The following CHLSN variants were observed in gnomAD, a reference collection of about 807,000 sequenced individuals.
CHLSN encodes protein cholesin.
chr7:983,235 C>T, the CHLSN span: 3 of 1,527,592 alleles, frequency 2.0e-6, no homozygotes, highest in Non-Finnish European at 2.6e-6. Flanking sequence ...TCTTGCTGTT[C>T]CTGGGCCTCC....
chr7:1,011,241 T>C, the CHLSN span, among the ~76,000 whole-genome samples: 59,298 of 118,656 alleles, frequency 0.5, 13,222 homozygotes, highest in Admixed American at 0.56. Context: ...GACACCCACA[T>C]ACCCACCCAC....
chr7:1,103,611 C>G, the CHLSN span, among the ~76,000 whole-genome samples: 2 of 152,232 alleles, frequency 1.3e-5, no homozygotes, highest in Non-Finnish European at 2.9e-5. Flanking sequence ...GAAATTCAGA[C>G]CACGCTTTCA....
chr7:1,085,645 C>A, the CHLSN span, among the ~76,000 whole-genome samples: 1 of 147,436 alleles, frequency 6.8e-6, no homozygotes, highest in Non-Finnish European at 1.5e-5. Context: ...CCAGCCTTGG[C>A]AATACAGTGA....
chr7:1,108,334 GA>G, the CHLSN span, among the ~76,000 whole-genome samples: 1 of 95,158 alleles, frequency 1.1e-5, no homozygotes, highest in Non-Finnish European at 2.2e-5. Context: ...GCCCCGGGAG[GA>G]AGCAGAGGGG....
chr7:1,103,342 G>A, the CHLSN span, among the ~76,000 whole-genome samples: 8 of 152,114 alleles, frequency 5.3e-5, no homozygotes, highest in South Asian at 2.1e-4. Flanking sequence ...AAAAACCCTC[G>A]CGCAGGGAGG....
chr7:1,063,897 A>G, the CHLSN span, among the ~76,000 whole-genome samples: 1 of 152,052 alleles, frequency 6.6e-6, no homozygotes, highest in Non-Finnish European at 1.5e-5. Context: ...GGCGAGCTCT[A>G]CCACACCACA....
At chr7:1,057,982 T>C in the CHLSN span, 1 of 770,818 alleles carries the variant, frequency 1.3e-6, no homozygotes, top group Non-Finnish European at 2.4e-6. Context: ...GGTGGCGCGC[T>C]GCTGACCAGC....
At chr7:1,043,313 C>T in the CHLSN span, 1 of 152,202 alleles carries the variant, frequency 6.6e-6, no homozygotes, top group Non-Finnish European at 1.5e-5. Context: ...TAATGTGAGG[C>T]TGCGCCTTAA....
chr7:1,110,654 T>C, the CHLSN span, among the ~76,000 whole-genome samples: 1 of 152,094 alleles, frequency 6.6e-6, no homozygotes, highest in Non-Finnish European at 1.5e-5. Context: ...CACAGCGCTG[T>C]GGGGCGTGGG....
the CHLSN span, among the ~76,000 whole-genome samples, chr7:1,110,806 AGT>A: frequency 6.6e-6 from 1 of 152,130 alleles, no homozygotes; most frequent in African/African-American, 2.4e-5. Context: ...TTACAATAGA[AGT>A]GGTTAAAAAA....
the CHLSN span, among the ~76,000 whole-genome samples, chr7:1,105,049 T>G: frequency 6.6e-6 from 1 of 152,208 alleles, no homozygotes; most frequent in Non-Finnish European, 1.5e-5. Context: ...ACTACTCTTC[T>G]GCACTCTCTA....
chr7:1,081,389 C>G, the CHLSN span, among the ~76,000 whole-genome samples: 4 of 152,266 alleles, frequency 2.6e-5, no homozygotes, highest in Non-Finnish European at 4.4e-5. Flanking sequence ...TGGGACCACT[C>G]AGAATTCTTC....
chr7:983,441 C>T, the CHLSN span: 44 of 1,368,078 alleles, frequency 3.2e-5, no homozygotes, highest in Non-Finnish European at 4.2e-5. Flanking sequence ...GTGTCCTGGC[C>T]CCCCTCCTGG....
chr7:994,227 G>C, the CHLSN span, among the ~76,000 whole-genome samples: 1 of 151,974 alleles, frequency 6.6e-6, no homozygotes, highest in African/African-American at 2.4e-5. Context: ...GCACGATCTC[G>C]GCTCACTGCA....
At chr7:1,028,597 A>G in the CHLSN span, 2 of 980,300 alleles carry the variant, frequency 2.0e-6, no homozygotes, top group Non-Finnish European at 2.4e-6. Context: ...GGGAGGGCGC[A>G]CCCCCGCCCG....
chr7:1,125,379 C>T, the CHLSN span, among the ~76,000 whole-genome samples: 1 of 152,240 alleles, frequency 6.6e-6, no homozygotes, highest in Non-Finnish European at 1.5e-5. Flanking sequence ...CACCCCACAT[C>T]TCACAATGGC....
the CHLSN span, chr7:1,092,129 C>T: frequency 2.4e-5 from 39 of 1,613,616 alleles, no homozygotes; most frequent in East Asian, 6.7e-4. Flanking sequence ...ACCTTCATGT[C>T]GCTCTTCCTG....
chr7:1,070,919 GCACGCACAGA>G, the CHLSN span, among the ~76,000 whole-genome samples: 17,097 of 140,046 alleles, frequency 0.12, 1,132 homozygotes, highest in Middle Eastern at 0.28. Context: ...CACACACACA[GCACGCACAGA>G]CACGCACACA....
chr7:1,106,299 T>C, the CHLSN span, among the ~76,000 whole-genome samples: 1 of 152,166 alleles, frequency 6.6e-6, no homozygotes. Context: ...AGGGTGTGTG[T>C]GTCTGGGCAT....
Sources: gnomAD v4.1 joint callset for allele counts (sites outside exome capture counted in the v4.1 genomes callset) on GRCh38, gnomAD v4.1.1 for gene constraint, MANE v1.5 for transcripts, NCBI Gene and HGNC (gene_info 2026-07-23, HGNC 2026-07-21) for gene names.